PAPSS2: variants seen among roughly 807,000 people sequenced by gnomAD.
The protein encoded by PAPSS2 is 3'-phosphoadenosine 5'-phosphosulfate synthase 2, also known as bifunctional 3'-phosphoadenosine 5'-phosphosulfate synthase 2.
In PAPSS2, 61 loss-of-function variants were observed where a neutral mutation model predicts 66.5. That is an observed-to-expected ratio of 0.92 (90% CI 0.75 to 1.14). The LOEUF (loss-of-function observed/expected upper bound fraction) is 1.14, where lower values mean the gene tolerates loss of function less well. PAPSS2 is among the 50% of genes most tolerant of loss of function. PAPSS2 has a pLI of 0.00. For synonymous variants in PAPSS2, 289 were observed against 287.5 expected, an observed-to-expected ratio of 1.01 and a Z score of -0.05; for missense variants, 708 against 789.6, an observed-to-expected ratio of 0.90 and a Z score of 1.24.
At chr10:87,690,375 A>G (rs1328353415) in intron 1 of PAPSS2, among the ~76,000 whole-genome samples, 3 of 152,212 alleles carry the variant, frequency 2.0e-5, no homozygotes, top group East Asian at 1.9e-4. Context: ...AAATTTATGC[A>G]TAAAAAACTG....
intron 1 of PAPSS2, among the ~76,000 whole-genome samples, chr10:87,706,108 A>ATATATATATATATATATGTGTG: frequency 1.9e-5 from 1 of 52,014 alleles, no homozygotes; most frequent in African/African-American, 1.0e-4. Context: ...ATATATATAT[A>ATATATATATATATATATGTGTG]TGTGTGTGTG....
intron 2 of PAPSS2, among the ~76,000 whole-genome samples, chr10:87,712,197 C>A (rs1196583611): frequency 6.6e-6 from 1 of 152,106 alleles, no homozygotes; most frequent in East Asian, 1.9e-4. Context: ...TACATCTGCT[C>A]CCTAGCTCAG....
chr10:87,729,761 C>T (rs529991063), intron 9 of PAPSS2, among the ~76,000 whole-genome samples: 1 of 152,230 alleles, frequency 6.6e-6, no homozygotes, highest in East Asian at 1.9e-4. Flanking sequence ...CTTTGGGAGG[C>T]CAGGGTGGGC....
Position 87,746,096 on chromosome 10 carries a change from TG to T in PAPSS2, c.*127del. Reference sequence around the variant, plus strand: ...TAATCTTTTATAATGAAGTAAAAGTTGTGTCTATAATTAAAAAAAAATATAT... The same window carrying T: ...TAATCTTTTATAATGAAGTAAAAGTTTGTCTATAATTAAAAAAAAATATAT... On this transcript the variant is annotated 3_prime_UTR_variant, in exon 13 of 13. Transcript: ENST00000456849. 1.2e-6 allele frequency: 1 copy of T among 843,880 alleles called. No individual in the cohort carries two copies. The highest frequency in any genetic ancestry group is 1.8e-6 in the Non-Finnish European group (1 of 543,308). 52.3% of individuals were successfully genotyped at this position (843,880 alleles called of 1,614,324 possible). A position where few individuals can be genotyped will look rare whatever the true frequency, so the allele number is the denominator to read the frequency against.
chr10:87,731,316 G>A (rs1340942269), intron 9 of PAPSS2, among the ~76,000 whole-genome samples: 6 of 152,146 alleles, frequency 3.9e-5, no homozygotes, highest in African/African-American at 9.7e-5. Flanking sequence ...TATTGAGACC[G>A]ACTGCTCAAA....
chr10:87,691,964 G>A lies in PAPSS2; in HGVS notation c.28-17232G>A, dbSNP rs1165387278. Among the ~76,000 whole-genome samples, 3 of 152,098 alleles carry A rather than the reference G, an allele frequency of 2.0e-5. No homozygotes were observed. In the East Asian group the frequency reaches 5.8e-4, roughly 29 times the overall value. On this transcript the variant is annotated intron_variant, in intron 1 of 12. Coordinates refer to ENST00000456849, the MANE Select transcript of PAPSS2 (RefSeq NM_001015880.2). ...GTCTCTAAAAAAAATAAAATTAAAG[G>A]GAATTTTACTCTACTGGCAAAGAAG...
rs531682062 is a variant in PAPSS2 at position 87,743,392 on chromosome 10, G to T, written c.1242G>T (p.Gln414His). 23 of 1,613,994 alleles carry T rather than the reference G, an allele frequency of 1.4e-5. No individual in the cohort carries two copies. The South Asian group carries it at 2.4e-4, about 17-fold the overall frequency. Reference sequence around the variant, plus strand: ...TCCCAGATGCGGTGTTTGCATTCCAGTTGCGCAATCCTGTCCACAATGGCC... The same window carrying T: ...TCCCAGATGCGGTGTTTGCATTCCATTTGCGCAATCCTGTCCACAATGGCC... ...EMNADAVFAF[Q>H]LRNPVHNGHA... is the part of the protein sequence containing the mutation. Residue 414 changes from glutamine (Q) to histidine (H), a missense_variant, in exon 11 of 13, where the codon CAG (glutamine) becomes CAT (histidine). Physicochemically the swap from Gln to His is conservative, Grantham distance 24. Coordinates refer to ENST00000456849, the MANE Select transcript of PAPSS2 (RefSeq NM_001015880.2).
chr10:87,692,958 G>A lies in PAPSS2; in HGVS notation c.28-16238G>A, dbSNP rs567756886. Among the ~76,000 whole-genome samples, 9 of 152,276 alleles carry A rather than the reference G, an allele frequency of 5.9e-5. No homozygotes were observed. In the South Asian group the frequency reaches 6.2e-4, roughly 11 times the overall value. ...AGGCACTGTTTTAAACACCTTACAC[G>A]TGGTAATTCATTTAATCTGTTTGAA... On this transcript the variant is annotated intron_variant, in intron 1 of 12. Transcript: ENST00000456849.
At chr10:87,695,844 T>C (rs1853225747) in intron 1 of PAPSS2, among the ~76,000 whole-genome samples, 1 of 152,270 alleles carries the variant, frequency 6.6e-6, no homozygotes, top group South Asian at 2.1e-4. Flanking sequence ...TTATTTGGGC[T>C]TTGGAAAAGT....
At chr10:87,719,058 A>G (rs1227718415) in intron 7 of PAPSS2, among the ~76,000 whole-genome samples, 1 of 152,090 alleles carries the variant, frequency 6.6e-6, no homozygotes, top group Non-Finnish European at 1.5e-5. Context: ...TACTTATACA[A>G]CCCCAGTTAT....
chr10:87,742,983 C>T (rs943129733), intron 10 of PAPSS2, among the ~76,000 whole-genome samples: 4 of 152,190 alleles, frequency 2.6e-5, no homozygotes, highest in Admixed American at 6.5e-5. Flanking sequence ...CAGTGGCTTA[C>T]GCCTGTAATC....
At chr10:87,718,710 C>CT (rs1306435608) in intron 7 of PAPSS2, among the ~76,000 whole-genome samples, 1 of 152,168 alleles carries the variant, frequency 6.6e-6, no homozygotes, top group African/African-American at 2.4e-5. Flanking sequence ...GCCAGTAGGG[C>CT]TTTTGCAGTT....
intron 1 of PAPSS2, among the ~76,000 whole-genome samples, chr10:87,688,965 A>G (rs1329765965): frequency 2.2e-5 from 3 of 138,548 alleles, no homozygotes; most frequent in African/African-American, 8.4e-5. Context: ...AACTACCTTA[A>G]AAAAAAAAAC....
intron 1 of PAPSS2, among the ~76,000 whole-genome samples, chr10:87,706,058 C>T (rs1341213745): frequency 7.6e-6 from 1 of 131,378 alleles, no homozygotes; most frequent in Admixed American, 8.1e-5. Flanking sequence ...ACTGAGTTGC[C>T]AGTGTGCTTT....
At chr10:87,740,509 T>C (rs1463189910) in intron 9 of PAPSS2, among the ~76,000 whole-genome samples, 2 of 152,206 alleles carry the variant, frequency 1.3e-5, no homozygotes, top group Non-Finnish European at 2.9e-5. Flanking sequence ...GCAAAATCAT[T>C]CATGGGTAAA....
intron 1 of PAPSS2, among the ~76,000 whole-genome samples, chr10:87,700,763 A>C (rs2131921986): frequency 6.6e-6 from 1 of 152,262 alleles, no homozygotes; most frequent in South Asian, 2.1e-4. Flanking sequence ...AAAAGTAGAA[A>C]AGTTAATTAT....
At chr10:87,731,026 C>G (rs925711537) in intron 9 of PAPSS2, among the ~76,000 whole-genome samples, 1 of 152,222 alleles carries the variant, frequency 6.6e-6, no homozygotes, top group African/African-American at 2.4e-5. Context: ...GAAGAAACAG[C>G]CTTCTATTGG....
At chr10:87,734,661 GTGTATATATATATATATA>G (rs1352969623) in intron 9 of PAPSS2, among the ~76,000 whole-genome samples, 2 of 90,382 alleles carry the variant, frequency 2.2e-5, no homozygotes, top group South Asian at 3.9e-4. Flanking sequence ...ATGAATGTGT[GTGTATATATATATATATA>G]TATATATATA....
At chr10:87,699,337 G>A (rs538912958) in intron 1 of PAPSS2, among the ~76,000 whole-genome samples, 29 of 152,296 alleles carry the variant, frequency 1.9e-4, no homozygotes, top group African/African-American at 5.5e-4. Flanking sequence ...TACCCAGGCC[G>A]GAGTGCAATG....
Sources: allele counts gnomAD v4.1 joint callset (sites outside exome capture counted in the v4.1 genomes callset), GRCh38; gene constraint gnomAD v4.1.1; transcripts MANE v1.5; gene names NCBI Gene and HGNC (gene_info 2026-07-23, HGNC 2026-07-21).